Variants in MBP observed in about 807,000 individuals in gnomAD.
The protein encoded by MBP is Golli-MBP.
A neutral mutation model predicts 35.8 loss-of-function variants in MBP; 16 were observed. The ratio of observed to expected loss-of-function variants is 0.45; its 90% CI spans 0.30 to 0.68. The LOEUF (loss-of-function observed/expected upper bound fraction) is 0.68. MBP is among the 30% of genes least tolerant of loss of function. The probability of loss-of-function intolerance (pLI) is 0.08; values close to 1 mark genes in which losing one functional copy is unlikely to be tolerated. For missense variants in MBP, 380 were observed against 404.7 expected (o/e 0.94, Z 0.52); for synonymous variants, 143 against 159.6 (o/e 0.90, Z 0.78).
At chr18:77,084,410 C>T (rs763954158) in intron 2 of MBP, among the ~76,000 whole-genome samples, 182 of 47,644 alleles carry the variant, frequency 3.8e-3, no homozygotes, top group Non-Finnish European at 7.7e-3. Flanking sequence ...ATCACAACAC[C>T]GCCCCCCCCG....
At chr18:77,038,709 A>T (rs1219314110) in intron 3 of MBP, among the ~76,000 whole-genome samples, 1 of 152,166 alleles carries the variant, frequency 6.6e-6, no homozygotes, top group Non-Finnish European at 1.5e-5. Flanking sequence ...GGACATGTGC[A>T]TATATATATG....
intron 2 of MBP, among the ~76,000 whole-genome samples, chr18:77,079,018 G>A (rs1486916250): frequency 6.6e-6 from 1 of 152,240 alleles, no homozygotes; most frequent in Non-Finnish European, 1.5e-5. Context: ...CAGGAGAGGA[G>A]ACTTGAAAGC....
chr18:77,019,831 G>A (rs1220094091), intron 3 of MBP, among the ~76,000 whole-genome samples: 2 of 152,174 alleles, frequency 1.3e-5, no homozygotes, highest in African/African-American at 4.8e-5. Context: ...GGAAGCCTGC[G>A]CGGAATCGGC....
chr18:77,052,546 C>A (rs2144704832), intron 3 of MBP, among the ~76,000 whole-genome samples: 1 of 152,332 alleles, frequency 6.6e-6, no homozygotes, highest in Non-Finnish European at 1.5e-5. Flanking sequence ...TGACTCTTAG[C>A]AGTGCATTTT....
intron 2 of MBP, among the ~76,000 whole-genome samples, chr18:77,078,994 A>G (rs1261717999): frequency 6.6e-6 from 1 of 152,224 alleles, no homozygotes; most frequent in Non-Finnish European, 1.5e-5. Flanking sequence ...GCGCTCAGCC[A>G]TCACTGAGCC....
At chr18:77,009,132 C>T (rs774420712) in intron 4 of MBP, among the ~76,000 whole-genome samples, 12 of 152,322 alleles carry the variant, frequency 7.9e-5, no homozygotes, top group South Asian at 6.2e-4. Context: ...TTGTGGTGAC[C>T]GCTCCTAGTG....
intron 3 of MBP, among the ~76,000 whole-genome samples, chr18:77,019,846 G>A (rs954383206): frequency 5.9e-5 from 9 of 152,182 alleles, no homozygotes; most frequent in South Asian, 2.1e-4. Flanking sequence ...ATCGGCTCCC[G>A]GTGGCGGAAG....
intron 2 of MBP, among the ~76,000 whole-genome samples, chr18:77,096,955 A>C (rs1309368021): frequency 6.6e-6 from 1 of 152,222 alleles, no homozygotes; most frequent in Non-Finnish European, 1.5e-5. Flanking sequence ...GACAGTGTTC[A>C]AAACACCAAA....
Position 76,988,961 on chromosome 18 carries a change from C to T in MBP, c.682-49G>A, listed in dbSNP as rs369152185. ...GGCTGCACTGGGAGCCCTGTGCCGC[C>T]GTCCATTTCCTAACGGGCTCCTGCC... On this transcript the variant is annotated intron_variant, in intron 5 of 8. Coordinates refer to ENST00000355994, the MANE Select transcript of MBP (RefSeq NM_001025101.2). The surrounding 1 kb of genome is among the most constrained non-coding windows in gnomAD (Gnocchi z 5.2). 8.2e-6 allele frequency: 13 copies of T among 1,590,332 alleles called. 1 individual carries two copies. The South Asian group carries it at 1.1e-4, about 14-fold the overall frequency.
At chr18:77,042,128 A>G (rs1187858648) in intron 3 of MBP, among the ~76,000 whole-genome samples, 1 of 151,318 alleles carries the variant, frequency 6.6e-6, no homozygotes, top group Non-Finnish European at 1.5e-5. Flanking sequence ...AAGAACTCTC[A>G]TTTTCTCTGA....
chr18:77,118,645 AC>A (rs1976780915), intron 1 of MBP, among the ~76,000 whole-genome samples: 2 of 112,912 alleles, frequency 1.8e-5, no homozygotes, highest in Admixed American at 1.8e-4. Flanking sequence ...CACACTACAC[AC>A]CACACACACA....
At chr18:77,055,709 C>A (rs1191808002) in intron 3 of MBP, among the ~76,000 whole-genome samples, 2 of 152,006 alleles carry the variant, frequency 1.3e-5, no homozygotes, top group Non-Finnish European at 2.9e-5. Context: ...GGTGTTTGGC[C>A]TCTGTTTTGT....
chr18:77,023,408 G>T (rs1365788258), intron 3 of MBP, among the ~76,000 whole-genome samples: 1 of 152,070 alleles, frequency 6.6e-6, no homozygotes, highest in African/African-American at 2.4e-5. Flanking sequence ...CCTTCTTTTG[G>T]ACTATTTCTT....
chr18:77,089,304 G>A (rs1477332499), intron 2 of MBP, among the ~76,000 whole-genome samples: 2 of 152,210 alleles, frequency 1.3e-5, no homozygotes, highest in East Asian at 1.9e-4. Flanking sequence ...TCAAGTGTGC[G>A]GCCATTTCCA....
At chr18:77,015,332 C>T (rs1221825568) in intron 4 of MBP, 13 of 985,152 alleles carry the variant, frequency 1.3e-5, no homozygotes, top group South Asian at 4.7e-5. Context: ...ATGCTGTATG[C>T]GTGAGGGATG....
chr18:77,048,997 G>C (rs1400826625), intron 3 of MBP, among the ~76,000 whole-genome samples: 1 of 151,376 alleles, frequency 6.6e-6, no homozygotes, highest in Non-Finnish European at 1.5e-5. Flanking sequence ...TCAGCTCACT[G>C]CCAGCTCCGC....
intron 3 of MBP, among the ~76,000 whole-genome samples, chr18:77,039,993 G>A (rs62106763): frequency 0.38 from 57,282 of 151,966 alleles, 12,152 homozygotes; most frequent in Non-Finnish European, 0.48. Context: ...TTCATTGTTC[G>A]TAGAGTAGGA....
chr18:77,015,809 G>T (rs1238757107), intron 4 of MBP: 1 of 985,314 alleles, frequency 1.0e-6, no homozygotes, highest in Non-Finnish European at 1.2e-6. Flanking sequence ...TTTTATGATT[G>T]CATGTTATCA....
chr18:77,026,144 C>T (rs561793062), intron 3 of MBP, among the ~76,000 whole-genome samples: 1 of 152,382 alleles, frequency 6.6e-6, no homozygotes, highest in East Asian at 1.9e-4. Flanking sequence ...GGGGGCCCTG[C>T]CGCCTCGTTT....
Sources: gnomAD v4.1 joint callset for allele counts (sites outside exome capture counted in the v4.1 genomes callset) on GRCh38, gnomAD v4.1.1 for gene constraint, Gnocchi (gnomAD v3.1) non-coding constraint, MANE v1.5 for transcripts, NCBI Gene and HGNC (gene_info 2026-07-23, HGNC 2026-07-21) for gene names.